Variants in HIVEP3 observed in about 807,000 individuals in gnomAD.
The protein encoded by HIVEP3 is transcription factor HIVEP3.
A neutral mutation model predicts 152.8 loss-of-function variants in HIVEP3; 49 were observed. The observed-to-expected ratio is 0.32, with a 90% confidence interval of 0.26 to 0.41. HIVEP3 has a LOEUF of 0.41. Among genes scored for constraint, HIVEP3 ranks in the 10% least tolerant of loss-of-function variants. The pLI is 1.00. For missense variants in HIVEP3, 2,790 were observed against 3,103.3 expected (o/e 0.90, Z 2.40); for synonymous variants, 1,269 against 1,289.0 (o/e 0.98, Z 0.33).
intron 2 of HIVEP3, among the ~76,000 whole-genome samples, chr1:41,666,155 G>A (rs1645793824): frequency 6.6e-6 from 1 of 152,108 alleles, no homozygotes; most frequent in South Asian, 2.1e-4. Context: ...GTGTGTGTGT[G>A]TGCATGTGCA....
At chr1:41,552,446 C>A (rs2149082145) in intron 5 of HIVEP3, among the ~76,000 whole-genome samples, 1 of 147,774 alleles carries the variant, frequency 6.8e-6, no homozygotes, top group South Asian at 2.2e-4. Context: ...CAATTCCCAC[C>A]TATGAGTGAG....
chr1:41,775,152 T>C (rs1648614795), intron 1 of HIVEP3, among the ~76,000 whole-genome samples: 1 of 152,174 alleles, frequency 6.6e-6, no homozygotes, highest in South Asian at 2.1e-4. Context: ...CCACATCACA[T>C]TCTGTTTTCT....
Position 41,510,218 on chromosome 1 carries a change from T to G in HIVEP3, c.*233A>C. ...CAGCCTCAGACTCCTCGTGGGTTGT[T>G]GTTTTTTTTTTAAATGTATGTATGT... is the stretch of plus-strand genomic sequence containing the variant. On this transcript the variant is annotated 3_prime_UTR_variant, in exon 9 of 9. Transcript: ENST00000372583. 2.7e-6 allele frequency: 1 copy of G among 367,090 alleles called. No individual in the cohort carries two copies. Among genetic ancestry groups the G allele is most frequent in the Non-Finnish European group, 4.8e-6 (1 of 208,916 alleles). 22.7% of individuals were successfully genotyped at this position (367,090 alleles called of 1,614,324 possible).
At chr1:41,843,905 C>A (rs648198) in intron 1 of HIVEP3, among the ~76,000 whole-genome samples, 18,812 of 151,786 alleles carry the variant, frequency 0.12, 3,781 homozygotes, top group African/African-American at 0.42. Flanking sequence ...ATCCCTCCCC[C>A]CTCCGTGTGT....
rs999618393 is a variant in HIVEP3 at position 41,753,663 on chromosome 1, C to G, written c.-800-52668G>C. On this transcript the variant is annotated intron_variant, in intron 1 of 8. Coordinates refer to ENST00000372583, the MANE Select transcript of HIVEP3 (RefSeq NM_024503.5). ...AGCCTGGGACACAGGAGAGAAACGC[C>G]GTCTCAAAAATAAATAAATAAATAA... Among the ~76,000 whole-genome samples, 7 of 62,972 alleles carry G rather than the reference C, an allele frequency of 1.1e-4. No homozygotes were observed. In the Admixed American group the frequency reaches 1.2e-3, roughly 11 times the overall value. The allele number at this position is 62,972 out of a possible 152,430, so 41.3% of individuals were successfully genotyped here.
At chr1:41,727,653 G>A (rs995710565) in intron 1 of HIVEP3, among the ~76,000 whole-genome samples, 15 of 152,222 alleles carry the variant, frequency 9.9e-5, no homozygotes, top group African/African-American at 3.1e-4. Flanking sequence ...CAGAGGCCTC[G>A]GGGTGGAGGA....
At chr1:41,956,196 C>A (rs969086876) in intron 1 of HIVEP3, among the ~76,000 whole-genome samples, 1 of 152,218 alleles carries the variant, frequency 6.6e-6, no homozygotes, top group Admixed American at 6.5e-5. Context: ...ACTGGATTTT[C>A]ACTCTTTAGC....
At chr1:41,589,185 G>T (rs373292065) in intron 3 of HIVEP3, among the ~76,000 whole-genome samples, 30 of 152,174 alleles carry the variant, frequency 2.0e-4, no homozygotes, top group African/African-American at 7.0e-4. Flanking sequence ...CAGAGAAATG[G>T]GCCCAGGAGC....
At chr1:41,521,945 A>G (rs2149051007) in intron 6 of HIVEP3, among the ~76,000 whole-genome samples, 1 of 152,334 alleles carries the variant, frequency 6.6e-6, no homozygotes, top group African/African-American at 2.4e-5. Context: ...AGGGCCACCC[A>G]CAGGCCTCCC....
chr1:41,540,898 C>G (rs1643514351), intron 5 of HIVEP3, among the ~76,000 whole-genome samples: 1 of 143,282 alleles, frequency 7.0e-6, no homozygotes, highest in Non-Finnish European at 1.6e-5. Flanking sequence ...AGGAGCTGGG[C>G]TGGACTCCAG....
At chr1:41,632,762 A>G (rs1321836242) in intron 2 of HIVEP3, among the ~76,000 whole-genome samples, 1 of 152,136 alleles carries the variant, frequency 6.6e-6, no homozygotes, top group Non-Finnish European at 1.5e-5. Flanking sequence ...ACTCAAAGAA[A>G]AAAAAAAGAA....
At chr1:41,607,824 A>G (rs1644842972) in intron 3 of HIVEP3, among the ~76,000 whole-genome samples, 1 of 152,246 alleles carries the variant, frequency 6.6e-6, no homozygotes, top group Admixed American at 6.5e-5. Context: ...TTAAGTGGCC[A>G]TGGCTGATAT....
At chr1:41,687,376 A>G (rs1646129757) in intron 2 of HIVEP3, among the ~76,000 whole-genome samples, 1 of 152,234 alleles carries the variant, frequency 6.6e-6, no homozygotes. Context: ...GCCTCATTTA[A>G]TATCCAGACC....
chr1:41,957,033 T>C (rs1465015927), intron 1 of HIVEP3, among the ~76,000 whole-genome samples: 1 of 152,180 alleles, frequency 6.6e-6, no homozygotes, highest in Non-Finnish European at 1.5e-5. Flanking sequence ...TATTTGGAAG[T>C]GAAATTAATA....
At chr1:41,970,819 T>C (rs1362532274) in intron 1 of HIVEP3, among the ~76,000 whole-genome samples, 1 of 152,082 alleles carries the variant, frequency 6.6e-6, no homozygotes, top group Non-Finnish European at 1.5e-5. Flanking sequence ...GAGGACTATA[T>C]GAACATTGGA....
chr1:41,710,421 G>A (rs1324693849), intron 1 of HIVEP3, among the ~76,000 whole-genome samples: 1 of 152,178 alleles, frequency 6.6e-6, no homozygotes, highest in Non-Finnish European at 1.5e-5. Flanking sequence ...CCATGGCTTT[G>A]CTTCAAAAGG....
At chr1:42,024,260 A>G (rs1342666236) in intron 1 of HIVEP3, among the ~76,000 whole-genome samples, 2 of 152,130 alleles carry the variant, frequency 1.3e-5, no homozygotes, top group African/African-American at 4.8e-5. Context: ...TTTCCTTGTG[A>G]ACATAATTTT....
chr1:41,834,379 T>C (rs1425757710), intron 1 of HIVEP3, among the ~76,000 whole-genome samples: 2 of 152,224 alleles, frequency 1.3e-5, no homozygotes, highest in Admixed American at 1.3e-4. Flanking sequence ...GGGCTCTGTC[T>C]GGCTGCCCCT....
chr1:41,906,633 T>G (rs1421850540), intron 1 of HIVEP3, among the ~76,000 whole-genome samples: 1 of 152,134 alleles, frequency 6.6e-6, no homozygotes, highest in Non-Finnish European at 1.5e-5. Context: ...GTGCAGATAC[T>G]TGTCAAACTC....
Sources: gnomAD v4.1 joint callset for allele counts (sites outside exome capture counted in the v4.1 genomes callset) on GRCh38, gnomAD v4.1.1 for gene constraint, MANE v1.5 for transcripts, NCBI Gene and HGNC (gene_info 2026-07-23, HGNC 2026-07-21) for gene names.